The following PTPRN2 variants were observed in gnomAD, a reference collection of about 807,000 sequenced individuals.
The protein encoded by PTPRN2 is protein tyrosine phosphatase receptor type N2, also known as receptor-type tyrosine-protein phosphatase N2.
Under a neutral mutation model 118.8 loss-of-function variants are expected in PTPRN2, and 74 were observed. The observed-to-expected ratio is 0.62, with a 90% CI of 0.52 to 0.76. The LOEUF (loss-of-function observed/expected upper bound fraction) is 0.76, where lower values mean the gene tolerates loss of function less well. Among genes scored for constraint, PTPRN2 ranks in the 30% least tolerant of loss-of-function variants. PTPRN2 has a pLI of 0.00. For synonymous variants in PTPRN2, 641 were observed against 608.0 expected (o/e 1.05, Z -0.80); for missense variants, 1,481 against 1,394.4 (o/e 1.06, Z -0.99).
chr7:158,303,822 C>T (rs1319645233), intron 3 of PTPRN2, among the ~76,000 whole-genome samples: 9 of 152,324 alleles, frequency 5.9e-5, no homozygotes, highest in Admixed American at 2.0e-4. Flanking sequence ...TTTAATATAA[C>T]GTCAGGGCTG....
chr7:158,143,602 G>A (rs1451782810), intron 6 of PTPRN2, among the ~76,000 whole-genome samples: 1 of 152,174 alleles, frequency 6.6e-6, no homozygotes, highest in Admixed American at 6.5e-5. Flanking sequence ...TCCTTCCTGT[G>A]GACACGAACC....
At position 158,587,707 on chromosome 7, in the gene PTPRN2, CGCGGGAGGCG is replaced by C. The variant is rs1177667596; in HGVS notation, c.-48_-39del. On this transcript the variant is annotated 5_prime_UTR_variant, in exon 1 of 23. Transcript: ENST00000389418. The stretch of plus-strand genomic sequence containing the variant: ...GCCGGCGGCGCTCAGTCCATGGCCG[CGCGGGAGGCG>C]GCGGGAGGCGGCCGAGTCCGGGCCC... The C allele has an allele frequency of 7.7e-6, 9 of 1,169,316 alleles. No homozygotes were observed. The highest frequency in any genetic ancestry group is 3.2e-5 in the African/African-American group (2 of 61,692). The allele number at this position is 1,169,316 out of a possible 1,614,324, so 72.4% of individuals were successfully genotyped here. A position where few individuals can be genotyped will look rare whatever the true frequency, so the allele number is the denominator to read the frequency against.
At chr7:157,660,065 T>C (rs538777207) in intron 13 of PTPRN2, among the ~76,000 whole-genome samples, 2 of 152,336 alleles carry the variant, frequency 1.3e-5, no homozygotes, top group African/African-American at 4.8e-5. Flanking sequence ...ATTTCTCAAT[T>C]GTGCACATGA....
chr7:158,272,476 A>G (rs759549941), intron 3 of PTPRN2, among the ~76,000 whole-genome samples: 2 of 152,156 alleles, frequency 1.3e-5, no homozygotes, highest in Non-Finnish European at 2.9e-5. Context: ...GGCATTACTT[A>G]CCAAAAACAC....
At chr7:158,211,713 T>C (rs1325894381) in intron 3 of PTPRN2, among the ~76,000 whole-genome samples, 1 of 152,062 alleles carries the variant, frequency 6.6e-6, no homozygotes, top group Non-Finnish European at 1.5e-5. Flanking sequence ...AGACAGGCAA[T>C]AACAAATGCT....
intron 11 of PTPRN2, among the ~76,000 whole-genome samples, chr7:157,949,033 T>C (rs914042547): frequency 6.6e-6 from 1 of 152,152 alleles, no homozygotes; most frequent in East Asian, 1.9e-4. Flanking sequence ...TTGGTACACA[T>C]TGCAGGGGGC....
rs112337905 is a variant in PTPRN2, at chr7:158,263,989, C to T, written c.277+52830G>A. On this transcript the variant is annotated intron_variant, in intron 3 of 22. Transcript: ENST00000389418. ...ACTTCATCTAGAGCCACTGGGCTCC[C>T]TAAATTCAAGTCCAACTCTACCCCT... Among the ~76,000 whole-genome samples, 1,398 of 152,308 alleles carry T rather than the reference C, an allele frequency of 9.2e-3. 25 individuals carry two copies. The highest frequency in any genetic ancestry group is 0.032 in the African/African-American group (1,321 of 41,570).
chr7:157,809,427 C>A (rs1003297121), intron 12 of PTPRN2, among the ~76,000 whole-genome samples: 1 of 152,228 alleles, frequency 6.6e-6, no homozygotes, highest in African/African-American at 2.4e-5. Context: ...GCCGTGTGAG[C>A]TCCCGCGTAG....
chr7:157,781,465 C>T (rs1452038388), intron 12 of PTPRN2, among the ~76,000 whole-genome samples: 1 of 152,214 alleles, frequency 6.6e-6, no homozygotes, highest in East Asian at 1.9e-4. Context: ...GACTCGACCA[C>T]TGCAATCAAT....
At chr7:158,436,988 G>T (rs1420810316) in intron 2 of PTPRN2, among the ~76,000 whole-genome samples, 1 of 151,890 alleles carries the variant, frequency 6.6e-6, no homozygotes, top group Non-Finnish European at 1.5e-5. Flanking sequence ...TCCAAGCTTT[G>T]GTGTCTTTCT....
intron 11 of PTPRN2, among the ~76,000 whole-genome samples, chr7:158,045,331 T>A (rs1808763636): frequency 6.6e-6 from 1 of 152,238 alleles, no homozygotes; most frequent in African/African-American, 2.4e-5. Context: ...AAAAAAGTAA[T>A]TGGAAAGATG....
intron 3 of PTPRN2, among the ~76,000 whole-genome samples, chr7:158,287,072 G>A (rs550863957): frequency 7.2e-5 from 11 of 151,740 alleles, no homozygotes; most frequent in Non-Finnish European, 1.3e-4. Context: ...AATTTTTCTT[G>A]GTAGGTATCA....
At chr7:157,955,040 G>T (rs1801099079) in intron 11 of PTPRN2, among the ~76,000 whole-genome samples, 1 of 152,118 alleles carries the variant, frequency 6.6e-6, no homozygotes, top group Non-Finnish European at 1.5e-5. Flanking sequence ...GGGGTGGAGG[G>T]TGCTGGGCCA....
chr7:158,423,753 C>T (rs1026165073), intron 2 of PTPRN2, among the ~76,000 whole-genome samples: 3 of 152,072 alleles, frequency 2.0e-5, no homozygotes, highest in Admixed American at 6.5e-5. Context: ...TCAAGTGTTC[C>T]GCCCACCTCC....
intron 6 of PTPRN2, among the ~76,000 whole-genome samples, chr7:158,149,645 A>G (rs985280242): frequency 7.2e-5 from 11 of 152,098 alleles, no homozygotes; most frequent in African/African-American, 2.7e-4. Flanking sequence ...CTCTACTAAA[A>G]ATACAAAAAT....
chr7:157,982,295 G>T (rs1803301422), intron 11 of PTPRN2, among the ~76,000 whole-genome samples: 1 of 42,274 alleles, frequency 2.4e-5, no homozygotes, highest in African/African-American at 8.5e-5. Context: ...AGAGTGCAGG[G>T]TCCCCCCAAA....
chr7:158,070,470 TGGTGGAGGTGCTCCTGGTG>T (rs1811180696), intron 11 of PTPRN2, among the ~76,000 whole-genome samples: 2 of 135,572 alleles, frequency 1.5e-5, no homozygotes, highest in Non-Finnish European at 3.1e-5. Context: ...GTGCCCGTGG[TGGTGGAGGTGCTCCTGGTG>T]GTGGAGGTGC....
In PTPRN2 at chr7:158,587,753, G is replaced by C. The variant is rs1464401828; in HGVS notation, c.-84C>G. On this transcript the variant is annotated 5_prime_UTR_variant, in exon 1 of 23. Transcript: ENST00000389418. ...GCCGAGTCCGGGCCCAGGGAGGCGC[G>C]CGCCGCCGGCTCCTCCCGCCGCGCC... The C allele has an allele frequency of 3.3e-5, 35 of 1,062,000 alleles. No homozygotes were observed. Among genetic ancestry groups the C allele is most frequent in the Non-Finnish European group, 4.0e-5 (35 of 881,870 alleles). 65.8% of individuals were successfully genotyped at this position (1,062,000 alleles called of 1,614,324 possible).
At chr7:158,014,289 C>T (rs1481614871) in intron 11 of PTPRN2, among the ~76,000 whole-genome samples, 1 of 149,802 alleles carries the variant, frequency 6.7e-6, no homozygotes, top group Non-Finnish European at 1.5e-5. Context: ...CTCATCTATG[C>T]ATTCATCAAC....
Sources: gnomAD v4.1 joint callset for allele counts (sites outside exome capture counted in the v4.1 genomes callset) on GRCh38, gnomAD v4.1.1 for gene constraint, MANE v1.5 for transcripts, NCBI Gene and HGNC (gene_info 2026-07-23, HGNC 2026-07-21) for gene names.